The following MAF variants were observed in gnomAD, a reference collection of about 807,000 sequenced individuals.
MAF encodes the protein transcription factor Maf.
In MAF, 10 loss-of-function variants were observed where a neutral mutation model predicts 22.0. That is an observed-to-expected ratio of 0.45 (90% confidence interval 0.28 to 0.77). MAF has a LOEUF of 0.77. Among genes scored for constraint, MAF ranks in the 30% least tolerant of loss-of-function variants. MAF has a pLI of 0.12. For missense variants in MAF, 544 were observed against 548.4 expected, an observed-to-expected ratio of 0.99 and a Z score of 0.08; for synonymous variants, 337 against 255.8, an observed-to-expected ratio of 1.32 and a Z score of -3.03.
At chr16:79,334,902 A>C in the MAF span, among the ~76,000 whole-genome samples, 2 of 151,886 alleles carry the variant, frequency 1.3e-5, no homozygotes, top group African/African-American at 4.8e-5. Flanking sequence ...GAACATACAT[A>C]GAGGCTGGGT....
At chr16:79,276,277 G>A in the MAF span, among the ~76,000 whole-genome samples, 4 of 152,170 alleles carry the variant, frequency 2.6e-5, no homozygotes, top group Admixed American at 2.6e-4. Flanking sequence ...GCAGGCCCCT[G>A]ACCCTTTAGA....
chr16:79,239,658 G>T, the MAF span, among the ~76,000 whole-genome samples: 2 of 152,030 alleles, frequency 1.3e-5, no homozygotes, highest in Non-Finnish European at 2.9e-5. Flanking sequence ...TCACAGCTGG[G>T]AATCACAGAT....
At chr16:79,481,722 A>G in the MAF span, among the ~76,000 whole-genome samples, 1 of 152,018 alleles carries the variant, frequency 6.6e-6, no homozygotes, top group African/African-American at 2.4e-5. Flanking sequence ...CCATCCATCC[A>G]TCTATACATC....
chr16:79,400,273 G>A, the MAF span, among the ~76,000 whole-genome samples: 19 of 152,310 alleles, frequency 1.2e-4, no homozygotes, highest in African/African-American at 4.3e-4. Context: ...GTGGCTTGGG[G>A]TGGTAGGGTA....
At chr16:79,502,747 A>G in the MAF span, among the ~76,000 whole-genome samples, 1 of 117,178 alleles carries the variant, frequency 8.5e-6, no homozygotes, top group African/African-American at 3.7e-5. Context: ...ATATATATAT[A>G]TATATATAAA....
the MAF span, among the ~76,000 whole-genome samples, chr16:79,232,044 G>A: frequency 1.3e-5 from 2 of 151,936 alleles, no homozygotes; most frequent in Non-Finnish European, 1.5e-5. Flanking sequence ...ACCGCTGATA[G>A]GACAGGAGGT....
chr16:79,211,570 C>G, the MAF span: 4 of 1,613,924 alleles, frequency 2.5e-6, no homozygotes, highest in African/African-American at 1.3e-5. Context: ...CACTCCTTTT[C>G]TTAAAATTTT....
At chr16:79,244,253 A>G in the MAF span, among the ~76,000 whole-genome samples, 1 of 152,034 alleles carries the variant, frequency 6.6e-6, no homozygotes, top group Admixed American at 6.6e-5. Context: ...GGGTATTCAA[A>G]TAGGAACAGA....
At chr16:79,542,417 C>T in the MAF span, among the ~76,000 whole-genome samples, 2 of 152,184 alleles carry the variant, frequency 1.3e-5, no homozygotes, top group East Asian at 1.9e-4. Flanking sequence ...AGGCCAGCTT[C>T]CAGGCTGGTG....
At chr16:79,308,571 T>C in the MAF span, among the ~76,000 whole-genome samples, 1 of 152,228 alleles carries the variant, frequency 6.6e-6, no homozygotes, top group Non-Finnish European at 1.5e-5. Context: ...GTATGCTTTA[T>C]TCTGTGTAGG....
the MAF span, among the ~76,000 whole-genome samples, chr16:79,440,391 G>C: frequency 1.3e-5 from 2 of 152,214 alleles, no homozygotes; most frequent in Non-Finnish European, 2.9e-5. Context: ...AGGTGCATGA[G>C]TACATGGTGC....
At chr16:79,262,363 C>G in the MAF span, among the ~76,000 whole-genome samples, 1 of 152,108 alleles carries the variant, frequency 6.6e-6, no homozygotes, top group African/African-American at 2.4e-5. Flanking sequence ...GGGCTCTGTG[C>G]CTAAAGCAAT....
chr16:79,332,004 A>G, the MAF span, among the ~76,000 whole-genome samples: 2,588 of 152,292 alleles, frequency 0.017, 17 homozygotes, highest in Middle Eastern at 0.044. Context: ...TAATTTGTTC[A>G]TTACCTGACT....
At chr16:79,434,114 G>T in the MAF span, among the ~76,000 whole-genome samples, 2 of 152,186 alleles carry the variant, frequency 1.3e-5, no homozygotes, top group African/African-American at 4.8e-5. Context: ...CCTGAGTTGT[G>T]CAGTGAAACA....
the MAF span, among the ~76,000 whole-genome samples, chr16:79,396,479 T>C: frequency 3.0e-4 from 45 of 152,238 alleles, no homozygotes; most frequent in African/African-American, 1.1e-3. Context: ...TGCACTCTTC[T>C]GGAAAAAGCC....
At chr16:79,386,540 G>A in the MAF span, among the ~76,000 whole-genome samples, 2 of 152,120 alleles carry the variant, frequency 1.3e-5, no homozygotes, top group Non-Finnish European at 2.9e-5. Context: ...CTCACCTCCT[G>A]CTGTGTGGCC....
the MAF span, among the ~76,000 whole-genome samples, chr16:79,323,147 T>TTA: frequency 6.6e-4 from 13 of 19,846 alleles, no homozygotes; most frequent in South Asian, 3.7e-3. Context: ...AGACTCCATC[T>TTA]AAAAAAAAAA....
the MAF span, among the ~76,000 whole-genome samples, chr16:79,213,482 A>G: frequency 6.6e-6 from 1 of 152,220 alleles, no homozygotes; most frequent in Non-Finnish European, 1.5e-5. Flanking sequence ...CTCAGAATCT[A>G]CACCTGGAGG....
At chr16:79,477,490 A>G in the MAF span, among the ~76,000 whole-genome samples, 1 of 152,214 alleles carries the variant, frequency 6.6e-6, no homozygotes, top group Non-Finnish European at 1.5e-5. Context: ...CCACCTTGAA[A>G]GCCTGTGTTC....
Sources: gnomAD v4.1 joint callset for allele counts (sites outside exome capture counted in the v4.1 genomes callset) on GRCh38, gnomAD v4.1.1 for gene constraint, MANE v1.5 for transcripts, NCBI Gene and HGNC (gene_info 2026-07-23, HGNC 2026-07-21) for gene names.